The following C17orf99 variants were observed in gnomAD, a reference collection of about 807,000 sequenced individuals.
The protein encoded by C17orf99 is chromosome 17 open reading frame 99.
Under a neutral mutation model 22.6 loss-of-function variants are expected in C17orf99, and 18 were observed. That is an observed-to-expected ratio of 0.80 (90% CI 0.55 to 1.18). The LOEUF is 1.18. C17orf99 is among the 50% of genes most tolerant of loss of function. C17orf99 has a pLI of 0.00. For missense variants in C17orf99, 328 were observed against 342.7 expected (o/e 0.96, Z 0.34); for synonymous variants, 147 against 136.6 (o/e 1.08, Z -0.53).
At chr17:78,160,892 C>G in intron 2 of C17orf99, 63 bp from the exon 3 acceptor site, 1 of 1,401,408 alleles carries the variant, frequency 7.1e-7, no homozygotes, top group Non-Finnish European at 9.7e-7. Context: ...AAACCAGTAC[C>G]TTCTTAAGGT....
At chr17:78,164,620 C>T (rs61732706) in intron 4 of C17orf99, 57 of 1,503,408 alleles carry the variant, frequency 3.8e-5, no homozygotes, top group African/African-American at 1.8e-4. Context: ...GCCTCCACTG[C>T]GGCCATCACC....
intron 2 of C17orf99, chr17:78,157,489 C>T: frequency 2.4e-6 from 3 of 1,253,334 alleles, no homozygotes; most frequent in Non-Finnish European, 2.2e-6. Flanking sequence ...CAATGCAGTC[C>T]TCAGCATTGT....
intron 2 of C17orf99, among the ~76,000 whole-genome samples, chr17:78,156,905 G>A (rs896283732): frequency 5.3e-5 from 8 of 150,622 alleles, no homozygotes; most frequent in South Asian, 2.1e-4. Context: ...AGTGGCCACC[G>A]TGCCTGGACA....
At position 78,146,860 on chromosome 17, in the gene C17orf99, G is replaced by A. The variant is rs569481927; in HGVS notation, c.38-19G>A. 25 of 1,551,154 alleles carry A rather than the reference G, an allele frequency of 1.6e-5. No homozygotes were observed. The East Asian group carries it at 3.9e-4, about 24-fold the overall frequency. The stretch of plus-strand genomic sequence containing the variant: ...CTCCACACCAGGCCCTCTCCTTATC[G>A]CCCTTACCTCTCTTACAGCTGCCAG... On this transcript the variant is annotated intron_variant, in intron 1 of 4. Transcript: ENST00000340363. This position sits in a 1 kb window ranked among gnomAD's most constrained non-coding sequence, Gnocchi z 5.2.
chr17:78,165,953 C>A lies in C17orf99; in HGVS notation c.705C>A (p.Leu235=). 1 of 1,504,046 alleles carries A rather than the reference C, an allele frequency of 6.6e-7. No homozygotes were observed. The highest frequency in any genetic ancestry group is 1.4e-5 in the African/African-American group (1 of 72,392). The allele number at this position is 1,504,046 out of a possible 1,614,324, so 93.2% of individuals were successfully genotyped here. A position where few individuals can be genotyped will look rare whatever the true frequency, so the allele number is the denominator to read the frequency against. ...PLESPILALP[L]YRSTRRLSEE... is the part of the protein sequence containing the mutation. ...AGAGCCCCATCCTTGCCTTGCCGCT[C>A]TACAGGAGCACCCGCCGTCTGAGTG... The change falls in exon 5 of 5, where the codon CTC becomes CTA. Residue 235 remains leucine (L), a synonymous_variant. Transcript: ENST00000340363.
At chr17:78,160,661 GCCACC>G in intron 2 of C17orf99, 42 of 344,034 alleles carry the variant, frequency 1.2e-4, no homozygotes, top group South Asian at 5.0e-4. Context: ...ACTGCCACCT[GCCACC>G]TCCGCCTTCC....
chr17:78,154,157 C>T (rs2075507663), intron 2 of C17orf99, among the ~76,000 whole-genome samples: 1 of 151,828 alleles, frequency 6.6e-6, no homozygotes, highest in Admixed American at 6.6e-5. Context: ...AACTCCTGGC[C>T]TCAAACGATT....
rs1247876357 is a variant in C17orf99, at chr17:78,146,807, T to C, written c.38-72T>C. The stretch of plus-strand genomic sequence containing the variant: ...GCTCCTCCCTCCTGGCTTCAGCAGG[T>C]GGGTCTCGAGGCTGTCTCTGGTCTC... On this transcript the variant is annotated intron_variant, in intron 1 of 4. Coordinates refer to ENST00000340363, the MANE Select transcript of C17orf99 (RefSeq NM_001163075.2). This position sits in a 1 kb window ranked among gnomAD's most constrained non-coding sequence, Gnocchi z 5.2. 7.1e-7 allele frequency: 1 copy of C among 1,416,504 alleles called. No homozygotes were observed. The highest frequency in any genetic ancestry group is 2.0e-5 in the Admixed American group (1 of 50,424). 87.7% of individuals were successfully genotyped at this position (1,416,504 alleles called of 1,614,324 possible). A position where few individuals can be genotyped will look rare whatever the true frequency, so the allele number is the denominator to read the frequency against.
At chr17:78,160,666 C>CATTAAAAAA in intron 2 of C17orf99, 1 of 356,178 alleles carries the variant, frequency 2.8e-6, no homozygotes, top group South Asian at 4.3e-5. Flanking sequence ...CACCTGCCAC[C>CATTAAAAAA]TCCGCCTTCC....
intron 2 of C17orf99, among the ~76,000 whole-genome samples, chr17:78,150,133 A>C (rs2075469976): frequency 6.6e-6 from 1 of 151,246 alleles, no homozygotes; most frequent in Non-Finnish European, 1.5e-5. Context: ...CTCAGCCTCC[A>C]GAGTAACTGG....
intron 3 of C17orf99, among the ~76,000 whole-genome samples, chr17:78,162,273 CAAAAAAAAAA>C (rs35349689): frequency 6.4e-4 from 60 of 93,484 alleles, no homozygotes; most frequent in Non-Finnish European, 1.1e-3. Flanking sequence ...AAGACTATCT[CAAAAAAAAAA>C]AAAAAAAAAA....
At chr17:78,156,892 C>A (rs926725528) in intron 2 of C17orf99, among the ~76,000 whole-genome samples, 2 of 150,234 alleles carry the variant, frequency 1.3e-5, no homozygotes, top group African/African-American at 2.4e-5. Context: ...GGATTCCAGG[C>A]GCAGTGGCCA....
rs138467624 is a variant in C17orf99, at chr17:78,160,093, TG to T, written c.71-861del. 1,490 of 456,256 alleles carry T rather than the reference TG, an allele frequency of 3.3e-3. 6 individuals carry two copies. The highest frequency in any genetic ancestry group is 4.5e-3 in the Non-Finnish European group (1,024 of 226,948). 28.3% of individuals were successfully genotyped at this position (456,256 alleles called of 1,614,324 possible). On this transcript the variant is annotated intron_variant, in intron 2 of 4. Coordinates refer to ENST00000340363, the MANE Select transcript of C17orf99 (RefSeq NM_001163075.2). ...TTTGGTGTATGTCTAGGCCTGGAAT[TG>T]TTGAGTCATATGGTAAGTCTGTTTA...
At chr17:78,161,952 ATG>A (rs148671170) in intron 3 of C17orf99, among the ~76,000 whole-genome samples, 6,916 of 152,200 alleles carry the variant, frequency 0.045, 368 homozygotes, top group East Asian at 0.13. Flanking sequence ...GTCTATAGCT[ATG>A]TAAGCTAAAA....
chr17:78,165,739 T>G (rs1598955755), intron 4 of C17orf99, 150 bp from the exon 5 acceptor site: 1 of 1,149,728 alleles, frequency 8.7e-7, no homozygotes, highest in Admixed American at 4.2e-5. Context: ...GAGGTGGAGG[T>G]TGCAGTGAGC....
At chr17:78,165,782 A>C in intron 4 of C17orf99, 107 bp from the exon 5 acceptor site, 1 of 1,259,858 alleles carries the variant, frequency 7.9e-7, no homozygotes, top group Non-Finnish European at 1.0e-6. Context: ...AGCCTGGACA[A>C]AAAGAGCAAA....
Position 78,146,480 on chromosome 17 carries a change from C to G in C17orf99, c.37+36C>G, listed in dbSNP as rs1363840238. 4.5e-6 allele frequency: 7 copies of G among 1,545,774 alleles called. No individual in the cohort carries two copies. The highest frequency in any genetic ancestry group is 6.1e-6 in the Non-Finnish European group (7 of 1,144,468). ...CAGGGACGTGATGGTGGGGCTGCTGCTGGGGCCTTGAGGTCTTGGGCTCAG... is the reference window on the plus strand; with the variant it reads ...CAGGGACGTGATGGTGGGGCTGCTGGTGGGGCCTTGAGGTCTTGGGCTCAG... On this transcript the variant is annotated intron_variant, in intron 1 of 4. Transcript: ENST00000340363. The surrounding 1 kb of genome is among the most constrained non-coding windows in gnomAD (Gnocchi z 5.2).
At chr17:78,164,935 G>C in intron 4 of C17orf99, 1 of 1,151,680 alleles carries the variant, frequency 8.7e-7, no homozygotes. Flanking sequence ...CTGGCCTCTG[G>C]GAGGGCAGTC....
At position 78,164,365 on chromosome 17, in the gene C17orf99, G is replaced by C. The variant is rs140461997; in HGVS notation, c.640+1G>C. 8 of 1,551,402 alleles carry C rather than the reference G, an allele frequency of 5.2e-6. No individual in the cohort carries two copies. Among genetic ancestry groups the C allele is most frequent in the Non-Finnish European group, 6.1e-6 (7 of 1,146,992 alleles). Reference sequence around the variant, plus strand: ...AGCGCCCTCACAGTGGTGCCCCCAGGTGAGAGGGCCCTTGGATTTCCAGAG... The same window carrying C: ...AGCGCCCTCACAGTGGTGCCCCCAGCTGAGAGGGCCCTTGGATTTCCAGAG... On this transcript the variant is annotated splice_donor_variant, in intron 4 of 4. Coordinates refer to ENST00000340363, the MANE Select transcript of C17orf99 (RefSeq NM_001163075.2). LOFTEE classifies it high-confidence loss of function.
Sources: allele counts gnomAD v4.1 joint callset (sites outside exome capture counted in the v4.1 genomes callset), GRCh38; gene constraint gnomAD v4.1.1; non-coding constraint Gnocchi (gnomAD v3.1); transcripts MANE v1.5; gene names NCBI Gene and HGNC (gene_info 2026-07-23, HGNC 2026-07-21).